The following NLRP2 variants were observed in gnomAD, a reference collection of about 807,000 sequenced individuals.
The protein encoded by NLRP2 is NACHT, LRR and PYD domains-containing protein 2.
A neutral mutation model predicts 97.2 loss-of-function variants in NLRP2; 107 were observed. That is an observed-to-expected ratio of 1.10 (90% CI 0.94 to 1.29). The LOEUF is 1.29. Among genes scored for constraint, NLRP2 ranks in the 50% most tolerant of loss-of-function variants. The pLI, the probability that NLRP2 is intolerant of heterozygous loss-of-function variation, is 0.00. For synonymous variants in NLRP2, 663 were observed against 551.5 expected (o/e 1.20, Z -2.83); for missense variants, 1,495 against 1,330.3 (o/e 1.12, Z -1.93).
rs375621121 is a variant in NLRP2 at position 54,982,688 on chromosome 19, C to T, written c.990C>T (p.Ala330=). 48 of 1,613,986 alleles carry T rather than the reference C, an allele frequency of 3.0e-5. No individual in the cohort carries two copies. Among genetic ancestry groups the T allele is most frequent in the East Asian group, 1.8e-4 (8 of 44,884 alleles). Residue 330 remains alanine (A), a synonymous_variant, in exon 6 of 13, where the codon GCC becomes GCT. Transcript: ENST00000448584. ...SLLNRVMLPK[A]ALLVTTRPRA... ...TGAACAGGGTGATGTTACCCAAGGC[C>T]GCCCTGCTGGTCACCACGCGGCCCA...
At chr19:54,977,195 G>A (rs912723071) in intron 3 of NLRP2, among the ~76,000 whole-genome samples, 3 of 152,020 alleles carry the variant, frequency 2.0e-5, no homozygotes, top group African/African-American at 7.3e-5. Flanking sequence ...GGCCTGGCAG[G>A]CAGATCACCT....
At chr19:54,966,811 C>T (rs753462237) in intron 1 of NLRP2, among the ~76,000 whole-genome samples, 2 of 148,572 alleles carry the variant, frequency 1.3e-5, no homozygotes, top group African/African-American at 5.0e-5. Context: ...CAGGCGTGAG[C>T]CACCGCGCCC....
chr19:54,968,320 G>T (rs566065493), intron 1 of NLRP2, among the ~76,000 whole-genome samples: 1 of 151,660 alleles, frequency 6.6e-6, no homozygotes, highest in Non-Finnish European at 1.5e-5. Context: ...TGCGGGGATT[G>T]CAAGCGTCAG....
chr19:54,971,223 G>A (rs1472076632), intron 2 of NLRP2, among the ~76,000 whole-genome samples: 1 of 150,724 alleles, frequency 6.6e-6, no homozygotes, highest in Non-Finnish European at 1.5e-5. Flanking sequence ...GTCTATCATT[G>A]TTGGACATTT....
chr19:54,984,554 C>T (rs558530979), intron 6 of NLRP2, among the ~76,000 whole-genome samples: 1 of 135,762 alleles, frequency 7.4e-6, no homozygotes, highest in Non-Finnish European at 1.5e-5. Flanking sequence ...TCGATCTCGG[C>T]TCACTGCAAC....
intron 11 of NLRP2, 102 bp downstream of exon 11, chr19:54,994,541 A>C: frequency 8.2e-7 from 1 of 1,216,396 alleles, no homozygotes; most frequent in Non-Finnish European, 1.2e-6. Flanking sequence ...TATATAATTG[A>C]GAGGACCTTT....
intron 10 of NLRP2, chr19:54,993,262 AT>A (rs1165349661): frequency 1.4e-5 from 2 of 146,128 alleles, no homozygotes; most frequent in Non-Finnish European, 3.1e-5. Flanking sequence ...AAGTTTCAAG[AT>A]TTGGGGGTGT....
intron 2 of NLRP2, among the ~76,000 whole-genome samples, chr19:54,972,304 C>G (rs2070915001): frequency 6.6e-6 from 1 of 152,002 alleles, no homozygotes; most frequent in African/African-American, 2.4e-5. Flanking sequence ...GCATCAGCCT[C>G]TTGAATAGCT....
Position 55,001,084 on chromosome 19 carries a change from G to A in NLRP2, c.*186G>A. ...ACACATCCTTATCTTTGTTACATAT[G>A]AAATATCTGTATCACGGGTATATTG... is the stretch of plus-strand genomic sequence containing the variant. On this transcript the variant is annotated 3_prime_UTR_variant, in exon 13 of 13. Coordinates refer to ENST00000448584, the MANE Select transcript of NLRP2 (RefSeq NM_017852.5). 1.7e-6 allele frequency: 1 copy of A among 583,990 alleles called. No homozygotes were observed. The highest frequency in any genetic ancestry group is 3.1e-6 in the Non-Finnish European group (1 of 327,102). 36.2% of individuals were successfully genotyped at this position (583,990 alleles called of 1,614,324 possible).
At chr19:54,997,514 G>C (rs748639276) in intron 12 of NLRP2, 27 bp downstream of exon 12, 21 of 1,613,064 alleles carry the variant, frequency 1.3e-5, no homozygotes, top group Non-Finnish European at 1.8e-5. Context: ...TCCCCATCAG[G>C]CTTTCTCCAG....
chr19:54,968,904 T>C lies in NLRP2; in HGVS notation c.-17-1095T>C, dbSNP rs2070662696. 2.0e-5 allele frequency among the ~76,000 whole-genome samples: 3 copies of C among 151,532 alleles called. No individual in the cohort carries two copies. The South Asian group carries it at 6.3e-4, about 32-fold the overall frequency. ...TTTTAGTAGAGACGGGGTTTCACTG[T>C]GTTAGCCAGGATGGTCTCGATCTCC... On this transcript the variant is annotated intron_variant, in intron 1 of 12. Transcript: ENST00000448584.
At chr19:54,968,140 G>A (rs2070596370) in intron 1 of NLRP2, among the ~76,000 whole-genome samples, 2 of 151,222 alleles carry the variant, frequency 1.3e-5, no homozygotes, top group Non-Finnish European at 2.9e-5. Context: ...CTGGTCTCAA[G>A]CTCCAGACCT....
chr19:54,983,240 C>G lies in NLRP2; in HGVS notation c.1542C>G (p.Phe514Leu), dbSNP rs553038879. The change falls in exon 6 of 13, where the codon TTC becomes TTG. Residue 514 changes from phenylalanine (F) to leucine (L), a missense_variant. Coordinates refer to ENST00000448584, the MANE Select transcript of NLRP2 (RefSeq NM_017852.5). ...TCCAGCAGTTTCTCACTGCCCTGTT[C>G]TACACCCTGGAGAAGGAGGAGGAAG... is the stretch of plus-strand genomic sequence containing the variant. ...LSFQQFLTAL[F>L]YTLEKEEEED... 11 of 1,613,792 alleles carry G rather than the reference C, an allele frequency of 6.8e-6. No individual in the cohort carries two copies. Among genetic ancestry groups the G allele is most frequent in the South Asian group, 2.2e-5 (2 of 91,080 alleles).
intron 3 of NLRP2, among the ~76,000 whole-genome samples, chr19:54,975,643 G>T (rs775895): frequency 0.26 from 39,882 of 150,892 alleles, 5,664 homozygotes; most frequent in East Asian, 0.38. Flanking sequence ...TAGTAGAGAC[G>T]GGGTTTCACC....
At chr19:54,996,486 G>C (rs1349858675) in intron 11 of NLRP2, among the ~76,000 whole-genome samples, 2 of 152,132 alleles carry the variant, frequency 1.3e-5, no homozygotes, top group African/African-American at 2.4e-5. Flanking sequence ...CCTGGCGAGA[G>C]AGCAAGACTG....
chr19:54,969,079 C>A (rs867422495), intron 1 of NLRP2, among the ~76,000 whole-genome samples: 2 of 152,246 alleles, frequency 1.3e-5, no homozygotes, highest in Middle Eastern at 6.8e-3. Flanking sequence ...CTCCCCACTT[C>A]CTTATCTGAT....
chr19:54,998,090 C>T (rs550180791), intron 12 of NLRP2, among the ~76,000 whole-genome samples: 5 of 141,848 alleles, frequency 3.5e-5, no homozygotes, highest in African/African-American at 1.0e-4. Flanking sequence ...GCAGTGGTTG[C>T]TAACTGCAAC....
intron 12 of NLRP2, among the ~76,000 whole-genome samples, chr19:54,998,585 TC>T (rs1316090850): frequency 4.6e-5 from 6 of 131,108 alleles, no homozygotes; most frequent in African/African-American, 1.1e-4. Flanking sequence ...ACAGTTTTAC[TC>T]TTTTTTTTGG....
chr19:54,982,229 A>G lies in NLRP2; in HGVS notation c.531A>G (p.Gly177=), dbSNP rs1428213285. 28 of 1,614,148 alleles carry G rather than the reference A, an allele frequency of 1.7e-5. No homozygotes were observed. In the East Asian group the frequency reaches 6.0e-4, roughly 35 times the overall value. ...KFREMWKSWP[G]DSKEVQVMAE... ...GGGAGATGTGGAAGAGCTGGCCTGG[A>G]GATAGCAAAGAGGTCCAGGTTATGG... is the stretch of plus-strand genomic sequence containing the variant. The change falls in exon 6 of 13, where the codon GGA becomes GGG. Residue 177 remains glycine (G), a synonymous_variant. Transcript: ENST00000448584.
Sources: gnomAD v4.1 joint callset for allele counts (sites outside exome capture counted in the v4.1 genomes callset) on GRCh38, gnomAD v4.1.1 for gene constraint, MANE v1.5 for transcripts, NCBI Gene and HGNC (gene_info 2026-07-23, HGNC 2026-07-21) for gene names.